Variants in WDFY4 observed in about 807,000 individuals in gnomAD.
The protein encoded by WDFY4 is WD repeat- and FYVE domain-containing protein 4.
Under a neutral mutation model 351.9 loss-of-function variants are expected in WDFY4, and 169 were observed. That is an observed-to-expected ratio of 0.48 (90% CI 0.42 to 0.55). The LOEUF is 0.55. WDFY4 is among the 20% of genes least tolerant of loss of function. WDFY4 has a pLI of 0.00. For missense variants in WDFY4, 3,803 were observed against 3,935.6 expected, an observed-to-expected ratio of 0.97 and a Z score of 0.90; for synonymous variants, 1,622 against 1,574.6, an observed-to-expected ratio of 1.03 and a Z score of -0.71.
At chr10:48,813,691 G>T (rs2067529205) in intron 30 of WDFY4, among the ~76,000 whole-genome samples, 1 of 152,152 alleles carries the variant, frequency 6.6e-6, no homozygotes, top group African/African-American at 2.4e-5. Context: ...AAGTTGATTA[G>T]CATATTTACT....
chr10:48,739,774 GA>G (rs1251334314), intron 11 of WDFY4, among the ~76,000 whole-genome samples: 3 of 152,144 alleles, frequency 2.0e-5, no homozygotes, highest in East Asian at 3.9e-4. Context: ...AGGAGGAAAA[GA>G]AAATAACCAT....
intron 39 of WDFY4, among the ~76,000 whole-genome samples, chr10:48,863,885 G>A (rs1589770839): frequency 1.3e-5 from 2 of 152,286 alleles, no homozygotes; most frequent in East Asian, 3.9e-4. Context: ...TCACAAGGTG[G>A]TGGGAAGGAG....
At chr10:48,922,263 G>A (rs1372265308) in intron 47 of WDFY4, among the ~76,000 whole-genome samples, 1 of 152,172 alleles carries the variant, frequency 6.6e-6, no homozygotes, top group Non-Finnish European at 1.5e-5. Context: ...ATCCCACCCA[G>A]ACCTTGAATC....
intron 39 of WDFY4, among the ~76,000 whole-genome samples, chr10:48,856,314 G>A (rs1379781475): frequency 6.6e-6 from 1 of 152,084 alleles, no homozygotes; most frequent in African/African-American, 2.4e-5. Context: ...GATTGATATT[G>A]TTTCAGATTC....
chr10:48,947,537 G>T (rs1282197968), intron 51 of WDFY4, among the ~76,000 whole-genome samples: 4 of 152,148 alleles, frequency 2.6e-5, no homozygotes, highest in Non-Finnish European at 4.4e-5. Context: ...TAAATTATTG[G>T]TTGTTTATAC....
chr10:48,760,410 G>A lies in WDFY4; in HGVS notation c.2523G>A (p.Leu841=), dbSNP rs2065466854. ...TCGTGTGCATCATGGTGAGGCTGCT[G>A]CCTCGGTTGTACCATGAAGATCACC... ...PGVVCIMVRL[L]PRLYHEDHPQ... Residue 841 remains leucine, a synonymous_variant, in exon 13 of 62, where the codon CTG becomes CTA. Coordinates refer to ENST00000325239, the MANE Select transcript of WDFY4 (RefSeq NM_001394531.1). 6.4e-7 allele frequency: 1 copy of A among 1,551,658 alleles called. No individual in the cohort carries two copies.
At chr10:48,926,073 T>C (rs1215112532) in intron 47 of WDFY4, among the ~76,000 whole-genome samples, 3 of 152,080 alleles carry the variant, frequency 2.0e-5, no homozygotes, top group Non-Finnish European at 4.4e-5. Flanking sequence ...CTGTGCCACC[T>C]CTCTCTCTCC....
intron 39 of WDFY4, among the ~76,000 whole-genome samples, chr10:48,837,066 ACT>A (rs2068426235): frequency 6.6e-6 from 1 of 151,882 alleles, no homozygotes; most frequent in African/African-American, 2.4e-5. Context: ...GTAGATGAAA[ACT>A]CTCTACTATC....
intron 57 of WDFY4, among the ~76,000 whole-genome samples, chr10:48,971,049 T>G (rs1165967391): frequency 6.6e-6 from 1 of 152,196 alleles, no homozygotes; most frequent in East Asian, 1.9e-4. Context: ...ACAGCTTGCA[T>G]TTGAATCTAG....
chr10:48,925,065 T>C (rs1294377579), intron 47 of WDFY4, among the ~76,000 whole-genome samples: 1 of 152,228 alleles, frequency 6.6e-6, no homozygotes, highest in Non-Finnish European at 1.5e-5. Flanking sequence ...TTTCATGTCA[T>C]GTGGATGAGA....
chr10:48,727,090 C>A (rs945119092), intron 6 of WDFY4, among the ~76,000 whole-genome samples: 2 of 152,336 alleles, frequency 1.3e-5, no homozygotes, highest in East Asian at 3.9e-4. Flanking sequence ...TTCATACATC[C>A]TCCCCTGCAT....
chr10:48,838,420 C>G (rs1260357713), intron 39 of WDFY4, among the ~76,000 whole-genome samples: 2 of 152,186 alleles, frequency 1.3e-5, no homozygotes, highest in African/African-American at 4.8e-5. Flanking sequence ...TAGCATGAAG[C>G]AGCTCTGCCC....
intron 14 of WDFY4, 85 bp from the exon 15 acceptor site, chr10:48,775,627 A>C: frequency 7.5e-7 from 1 of 1,329,222 alleles, no homozygotes; most frequent in East Asian, 2.5e-5. Context: ...AGCTCCAGGC[A>C]TCTAGGACAG....
intron 6 of WDFY4, 81 bp downstream of exon 6, chr10:48,726,151 T>C: frequency 1.4e-6 from 2 of 1,436,676 alleles, no homozygotes; most frequent in East Asian, 2.5e-5. Context: ...GAGGGCCCAC[T>C]TTCTACAATG....
chr10:48,774,381 C>T, intron 13 of WDFY4, 77 bp from the exon 14 acceptor site: 1 of 1,469,448 alleles, frequency 6.8e-7, no homozygotes, highest in East Asian at 2.5e-5. Context: ...TCACCCCAGG[C>T]CAAGTTGGAG....
chr10:48,805,272 G>T lies in WDFY4; in HGVS notation c.4497G>T (p.Arg1499Ser). The change falls in exon 26 of 62, where the codon AGG (arginine) becomes AGT (serine). Residue 1499 changes from arginine to serine, a missense_variant. By Grantham distance (110) the Arg-to-Ser change is moderately radical. Transcript: ENST00000325239. ...CTGTACTCACCAGGGAAGGACCCAG[G>T]AATGCTGAAGCTGCCCACCAGGCAC... ...EILQSPREGP[R>S]NAEAAHQAQL... The T allele has an allele frequency of 6.5e-7, 1 of 1,544,238 alleles. No homozygotes were observed. The highest frequency in any genetic ancestry group is 8.7e-7 in the Non-Finnish European group (1 of 1,146,934).
rs2069875394 is a variant in WDFY4, at chr10:48,873,696, A to G, written c.6947A>G (p.Lys2316Arg). The G allele has an allele frequency of 6.4e-7, 1 of 1,551,558 alleles. No individual in the cohort carries two copies. Among genetic ancestry groups the G allele is most frequent in the African/African-American group, 1.4e-5 (1 of 73,052 alleles). Reference protein sequence around the residue: ...PLEALSSGRHKESQDKNDHIS... With the variant: ...PLEALSSGRHRESQDKNDHIS... ...GAGGCCCTGAGCTCAGGAAGGCACA[A>G]GGTAGGAGTCAGGCGCAGTGGGACA... Residue 2316 changes from lysine to arginine, a missense_variant and splice_region_variant, in exon 41 of 62, where the codon AAG becomes AGG. By Grantham distance (26) the Lys-to-Arg change is conservative. Coordinates refer to ENST00000325239, the MANE Select transcript of WDFY4 (RefSeq NM_001394531.1).
At chr10:48,752,780 T>C (rs1342046915) in intron 12 of WDFY4, among the ~76,000 whole-genome samples, 3 of 152,274 alleles carry the variant, frequency 2.0e-5, no homozygotes, top group African/African-American at 4.8e-5. Context: ...ATCCATTCAT[T>C]TGTTGATGAA....
At chr10:48,752,115 G>T (rs557340776) in intron 12 of WDFY4, among the ~76,000 whole-genome samples, 20 of 152,282 alleles carry the variant, frequency 1.3e-4, no homozygotes, top group Non-Finnish European at 2.6e-4. Context: ...CCATCCTTGG[G>T]ATCCAGAACC....
Sources: gnomAD v4.1 joint callset for allele counts (sites outside exome capture counted in the v4.1 genomes callset) on GRCh38, gnomAD v4.1.1 for gene constraint, MANE v1.5 for transcripts, NCBI Gene and HGNC (gene_info 2026-07-23, HGNC 2026-07-21) for gene names.